The following ARL4A variants were observed in gnomAD, a reference collection of about 807,000 sequenced individuals.
The protein encoded by ARL4A is ADP-ribosylation factor-like protein 4A.
In ARL4A, 5 loss-of-function variants were observed where a neutral mutation model predicts 13.9. The ratio of observed to expected loss-of-function variants is 0.36; its 90% CI spans 0.19 to 0.75. The LOEUF (loss-of-function observed/expected upper bound fraction) is 0.75. ARL4A is among the 30% of genes least tolerant of loss of function. The pLI is 0.53. For missense variants in ARL4A, 147 were observed against 225.8 expected, an observed-to-expected ratio of 0.65 and a Z score of 2.24; for synonymous variants, 77 against 84.4, an observed-to-expected ratio of 0.91 and a Z score of 0.48.
chr7:12,690,145 T>C lies in ARL4A; in HGVS notation c.*1288T>C, dbSNP rs1784594601. 6.0e-6 allele frequency: 1 copy of C among 167,066 alleles called. No individual in the cohort carries two copies. The highest frequency in any genetic ancestry group is 1.5e-5 in the Non-Finnish European group (1 of 68,108). 10.3% of individuals were successfully genotyped at this position (167,066 alleles called of 1,614,324 possible). On this transcript the variant is annotated 3_prime_UTR_variant, in exon 2 of 2. Coordinates refer to ENST00000651779, the MANE Select transcript of ARL4A (RefSeq NM_005738.5). ...AAGCTCTATAAGGAGGAAAGGCCTT[T>C]ATCTAATTCTTATCTACAGACACTT...
chr7:12,687,060 TGGGCGGCCG>T (rs528466913), upstream of ARL4A: 136 of 152,398 alleles, frequency 8.9e-4, no homozygotes, highest in African/African-American at 3.0e-3. The surrounding 1 kb of genome is among the most constrained non-coding windows in gnomAD (Gnocchi z 5.6). Flanking sequence ...CGCGGCGGGG[TGGGCGGCCG>T]GGGCGGCCAC....
In ARL4A at chr7:12,688,875, A is replaced by G. The variant is rs1385770996; in HGVS notation, c.*18A>G. ...AAAGATGAATATCAATACCTATTAT[A>G]TCTGTGTGGAGTAGGTTTTCTCTGG... On this transcript the variant is annotated 3_prime_UTR_variant, in exon 2 of 2. Coordinates refer to ENST00000651779, the MANE Select transcript of ARL4A (RefSeq NM_005738.5). The surrounding 1 kb of genome is among the most constrained non-coding windows in gnomAD (Gnocchi z 5.2). The G allele has an allele frequency of 1.9e-6, 3 of 1,585,998 alleles. No individual in the cohort carries two copies. The highest frequency in any genetic ancestry group is 2.3e-5 in the South Asian group (2 of 85,842).
rs1784600094 is a variant in ARL4A at position 12,690,402 on chromosome 7, A to G, written c.*1545A>G. 1.2e-5 allele frequency: 2 copies of G among 166,410 alleles called. No homozygotes were observed. The highest frequency in any genetic ancestry group is 3.9e-4 in the East Asian group (2 of 5,162). 10.3% of individuals were successfully genotyped at this position (166,410 alleles called of 1,614,324 possible). A position where few individuals can be genotyped will look rare whatever the true frequency, so the allele number is the denominator to read the frequency against. On this transcript the variant is annotated 3_prime_UTR_variant, in exon 2 of 2. Transcript: ENST00000651779. The stretch of plus-strand genomic sequence containing the variant: ...GATGTGGAGCCTTCATATGTTAAAT[A>G]TTCCTGCACTAGTGATGGTCACTTA...
Position 12,689,644 on chromosome 7 carries a change from C to G in ARL4A, c.*787C>G, listed in dbSNP as rs1058268. ...AATAGTTTGTTGTCAGAAGCACTTT[C>G]ACTTGAAGAACCTAAAATGATTGAC... On this transcript the variant is annotated 3_prime_UTR_variant, in exon 2 of 2. Coordinates refer to ENST00000651779, the MANE Select transcript of ARL4A (RefSeq NM_005738.5). The G allele has an allele frequency of 0.14, 23,701 of 166,416 alleles. 2,216 individuals carry two copies. Among genetic ancestry groups the G allele is most frequent in the African/African-American group, 0.27 (11,171 of 41,446 alleles). The allele number at this position is 166,416 out of a possible 1,614,324, so 10.3% of individuals were successfully genotyped here. A position where few individuals can be genotyped will look rare whatever the true frequency, so the allele number is the denominator to read the frequency against.
Position 12,688,017 on chromosome 7 carries a change from G to A in ARL4A, c.-89-149G>A. On this transcript the variant is annotated intron_variant, in intron 1 of 1. Transcript: ENST00000651779. The surrounding 1 kb of genome is among the most constrained non-coding windows in gnomAD (Gnocchi z 5.2). ...CCATCGTTTGTCTTGGACTGTGTGT[G>A]TTTTCATGTACGTTTCATATCTCGT... 2.1e-6 allele frequency: 1 copy of A among 481,986 alleles called. No homozygotes were observed. Among genetic ancestry groups the A allele is most frequent in the Non-Finnish European group, 3.6e-6 (1 of 278,782 alleles). The allele number at this position is 481,986 out of a possible 1,614,324, so 29.9% of individuals were successfully genotyped here. A position where few individuals can be genotyped will look rare whatever the true frequency, so the allele number is the denominator to read the frequency against.
upstream of ARL4A, chr7:12,686,916 G>A (rs1784527452): frequency 6.6e-6 from 1 of 151,872 alleles, no homozygotes; most frequent in Non-Finnish European, 1.5e-5. Flanking sequence ...CTGGCGCGCG[G>A]CGCCCGCCAG....
Position 12,688,292 on chromosome 7 carries a change from C to A in ARL4A, c.38C>A (p.Ser13Tyr). Residue 13 changes from serine (S) to tyrosine (Y), a missense_variant, in exon 2 of 2, where the codon TCC (serine) becomes TAC (tyrosine). Transcript: ENST00000651779. This position sits in a 1 kb window ranked among gnomAD's most constrained non-coding sequence, Gnocchi z 5.2. ...NGLSDQTSIL[S>Y]NLPSFQSFHI... is the part of the protein sequence containing the mutation. ...CTGTCAGACCAGACTTCTATCCTGTCCAACCTGCCTTCATTTCAGTCTTTC... is the reference window on the plus strand; with the variant it reads ...CTGTCAGACCAGACTTCTATCCTGTACAACCTGCCTTCATTTCAGTCTTTC... 6.2e-7 allele frequency: 1 copy of A among 1,611,650 alleles called. No individual in the cohort carries two copies. The highest frequency in any genetic ancestry group is 1.1e-5 in the South Asian group (1 of 90,632).
rs1204612155 is a variant in ARL4A at position 12,689,086 on chromosome 7, A to T, written c.*229A>T. On this transcript the variant is annotated 3_prime_UTR_variant, in exon 2 of 2. Coordinates refer to ENST00000651779, the MANE Select transcript of ARL4A (RefSeq NM_005738.5). ...ACCCCACAAATCTTTTGGTACTACC[A>T]TTTGGGGAAGCCAAGCAAGGATAGT... 4 of 454,034 alleles carry T rather than the reference A, an allele frequency of 8.8e-6. No homozygotes were observed. The highest frequency in any genetic ancestry group is 1.6e-5 in the Non-Finnish European group (4 of 246,012). The allele number at this position is 454,034 out of a possible 1,614,324, so 28.1% of individuals were successfully genotyped here.
At position 12,690,606 on chromosome 7, in the gene ARL4A, G is replaced by A. The variant is rs1221533507; in HGVS notation, c.*1749G>A. ...CATAGTAGTTCAGATCTGCTTAGAT[G>A]TGACAGGCATTGAAGGCTGTTTTTT... is the stretch of plus-strand genomic sequence containing the variant. On this transcript the variant is annotated 3_prime_UTR_variant, in exon 2 of 2. Coordinates refer to ENST00000651779, the MANE Select transcript of ARL4A (RefSeq NM_005738.5). The A allele has an allele frequency of 6.2e-6, 1 of 160,210 alleles. No homozygotes were observed. Among genetic ancestry groups the A allele is most frequent in the Non-Finnish European group, 1.5e-5 (1 of 67,480 alleles). 9.9% of individuals were successfully genotyped at this position (160,210 alleles called of 1,614,324 possible).
chr7:12,688,879 G>C lies in ARL4A; in HGVS notation c.*22G>C. The C allele has an allele frequency of 6.4e-7, 1 of 1,571,714 alleles. No individual in the cohort carries two copies. Among genetic ancestry groups the C allele is most frequent in the Non-Finnish European group, 8.6e-7 (1 of 1,161,178 alleles). On this transcript the variant is annotated 3_prime_UTR_variant, in exon 2 of 2. Coordinates refer to ENST00000651779, the MANE Select transcript of ARL4A (RefSeq NM_005738.5). This position sits in a 1 kb window ranked among gnomAD's most constrained non-coding sequence, Gnocchi z 5.2. ...ATGAATATCAATACCTATTATATCT[G>C]TGTGGAGTAGGTTTTCTCTGGTCTG...
In ARL4A at chr7:12,690,656, G is replaced by T. The variant is rs79385141; in HGVS notation, c.*1799G>T. The T allele has an allele frequency of 0.14, 20,784 of 152,002 alleles. 1,572 individuals carry two copies. The highest frequency in any genetic ancestry group is 0.17 in the Non-Finnish European group (11,407 of 66,300). The allele number at this position is 152,002 out of a possible 1,614,324, so 9.4% of individuals were successfully genotyped here. A position where few individuals can be genotyped will look rare whatever the true frequency, so the allele number is the denominator to read the frequency against. On this transcript the variant is annotated 3_prime_UTR_variant, in exon 2 of 2. Coordinates refer to ENST00000651779, the MANE Select transcript of ARL4A (RefSeq NM_005738.5). ...TTTTTTTTCTCCCTTCACTGATACTGAAATCATGGTATCTGCTGCAAACAT... is the reference window on the plus strand; with the variant it reads ...TTTTTTTTCTCCCTTCACTGATACTTAAATCATGGTATCTGCTGCAAACAT...
Position 12,688,164 on chromosome 7 carries a change from A to G in ARL4A, c.-89-2A>G. 7 of 1,481,738 alleles carry G rather than the reference A, an allele frequency of 4.7e-6. No homozygotes were observed. Among genetic ancestry groups the G allele is most frequent in the Non-Finnish European group, 5.4e-6 (6 of 1,108,444 alleles). The allele number at this position is 1,481,738 out of a possible 1,614,324, so 91.8% of individuals were successfully genotyped here. On this transcript the variant is annotated splice_acceptor_variant, in intron 1 of 1. Coordinates refer to ENST00000651779, the MANE Select transcript of ARL4A (RefSeq NM_005738.5). LOFTEE classifies it low-confidence loss of function (5UTR_SPLICE). The surrounding 1 kb of genome is among the most constrained non-coding windows in gnomAD (Gnocchi z 5.2). Reference sequence around the variant, plus strand: ...TAACTTATTCCTTCTTCCGTCTCCCAGCAGTCTTATAGCTGGATCAGCTAC... The same window carrying G: ...TAACTTATTCCTTCTTCCGTCTCCCGGCAGTCTTATAGCTGGATCAGCTAC...
In ARL4A at chr7:12,690,877, T is replaced by C. The variant is rs1339600485; in HGVS notation, c.*2020T>C. 1 of 166,848 alleles carries C rather than the reference T, an allele frequency of 6.0e-6. No individual in the cohort carries two copies. Among genetic ancestry groups the C allele is most frequent in the African/African-American group, 2.4e-5 (1 of 41,466 alleles). The allele number at this position is 166,848 out of a possible 1,614,324, so 10.3% of individuals were successfully genotyped here. A position where few individuals can be genotyped will look rare whatever the true frequency, so the allele number is the denominator to read the frequency against. Reference sequence around the variant, plus strand: ...ATTAATGTTATCTAAGTTTTTCATATTTCATGGACAACAAAAGAGAAAATG... The same window carrying C: ...ATTAATGTTATCTAAGTTTTTCATACTTCATGGACAACAAAAGAGAAAATG... On this transcript the variant is annotated 3_prime_UTR_variant, in exon 2 of 2. Transcript: ENST00000651779.
In ARL4A at chr7:12,688,372, C is replaced by A; in HGVS notation, c.118C>A (p.Leu40Met). ...CAGKTTVLYR[L>M]QFNEFVNTVP... The stretch of plus-strand genomic sequence containing the variant: ...TGGAAAGACAACTGTCTTATACAGG[C>A]TGCAGTTCAATGAATTTGTAAATAC... The change falls in exon 2 of 2, where the codon CTG (leucine) becomes ATG (methionine). Residue 40 changes from leucine to methionine, a missense_variant. Transcript: ENST00000651779. The surrounding 1 kb of genome is among the most constrained non-coding windows in gnomAD (Gnocchi z 5.2). The A allele has an allele frequency of 6.2e-7, 1 of 1,613,930 alleles. No individual in the cohort carries two copies. Among genetic ancestry groups the A allele is most frequent in the Non-Finnish European group, 8.5e-7 (1 of 1,179,858 alleles).
Position 12,688,123 on chromosome 7 carries a change from T to C in ARL4A, c.-89-43T>C, listed in dbSNP as rs1349277388. 1.5e-6 allele frequency: 2 copies of C among 1,337,570 alleles called. No homozygotes were observed. Among genetic ancestry groups the C allele is most frequent in the Non-Finnish European group, 2.0e-6 (2 of 980,500 alleles). 82.9% of individuals were successfully genotyped at this position (1,337,570 alleles called of 1,614,324 possible). Reference sequence around the variant, plus strand: ...AAAGTAGAGCAAACCTGTTTTAATGTATTATTTCGGGAGAATAACTTATTC... The same window carrying C: ...AAAGTAGAGCAAACCTGTTTTAATGCATTATTTCGGGAGAATAACTTATTC... On this transcript the variant is annotated intron_variant, in intron 1 of 1. Coordinates refer to ENST00000651779, the MANE Select transcript of ARL4A (RefSeq NM_005738.5). This position sits in a 1 kb window ranked among gnomAD's most constrained non-coding sequence, Gnocchi z 5.2.
In ARL4A at chr7:12,689,019, G is replaced by C; in HGVS notation, c.*162G>C. On this transcript the variant is annotated 3_prime_UTR_variant, in exon 2 of 2. Transcript: ENST00000651779. ...TGCCCAACTCTGTTGCCTTGTGGAAGATGAGTAAATGCAGTGCTTCTTAAA... is the reference window on the plus strand; with the variant it reads ...TGCCCAACTCTGTTGCCTTGTGGAACATGAGTAAATGCAGTGCTTCTTAAA... 2.8e-6 allele frequency: 2 copies of C among 712,614 alleles called. No individual in the cohort carries two copies. The highest frequency in any genetic ancestry group is 4.6e-6 in the Non-Finnish European group (2 of 432,452). 44.1% of individuals were successfully genotyped at this position (712,614 alleles called of 1,614,324 possible).
Position 12,689,004 on chromosome 7 carries a change from T to A in ARL4A, c.*147T>A. On this transcript the variant is annotated 3_prime_UTR_variant, in exon 2 of 2. Transcript: ENST00000651779. The stretch of plus-strand genomic sequence containing the variant: ...TGTTGAACAATCAGATGCCCAACTC[T>A]GTTGCCTTGTGGAAGATGAGTAAAT... 1 of 766,736 alleles carries A rather than the reference T, an allele frequency of 1.3e-6. No homozygotes were observed. The highest frequency in any genetic ancestry group is 1.9e-5 in the South Asian group (1 of 52,956). The allele number at this position is 766,736 out of a possible 1,614,324, so 47.5% of individuals were successfully genotyped here.
upstream of ARL4A, chr7:12,687,357 C>A (rs533779227): frequency 6.6e-6 from 1 of 152,250 alleles, no homozygotes; most frequent in Admixed American, 6.5e-5. The surrounding 1 kb of genome is among the most constrained non-coding windows in gnomAD (Gnocchi z 5.6). Flanking sequence ...GCGACCTGAC[C>A]GCCCGAGGCT....
upstream of ARL4A, chr7:12,686,967 AGGGAACAGGTATCAGCGC>A (rs1253487181): frequency 6.6e-6 from 1 of 152,010 alleles, no homozygotes; most frequent in African/African-American, 2.4e-5. Flanking sequence ...CCCTGGTGCC[AGGGAACAGGTATCAGCGC>A]GCCTCCCCAG....
Sources: allele counts gnomAD v4.1 joint callset, GRCh38; gene constraint gnomAD v4.1.1; non-coding constraint Gnocchi (gnomAD v3.1); transcripts MANE v1.5; gene names NCBI Gene and HGNC (gene_info 2026-07-23, HGNC 2026-07-21).